Variants in SLC10A7 observed in about 807,000 individuals in gnomAD.
SLC10A7 encodes the protein solute carrier family 10 member 7.
Under a neutral mutation model 43.2 loss-of-function variants are expected in SLC10A7, and 29 were observed. That is an observed-to-expected ratio of 0.67 (90% CI 0.50 to 0.92). The LOEUF is 0.92. SLC10A7 is among the 40% of genes least tolerant of loss of function. The probability of loss-of-function intolerance (pLI) is 0.00; values close to 1 mark genes in which losing one functional copy is unlikely to be tolerated. For missense variants in SLC10A7, 295 were observed against 403.2 expected (o/e 0.73, Z 2.30); for synonymous variants, 152 against 144.8 (o/e 1.05, Z -0.35).
At chr4:146,495,873 G>T (rs1392136917) in intron 4 of SLC10A7, among the ~76,000 whole-genome samples, 2 of 151,482 alleles carry the variant, frequency 1.3e-5, no homozygotes, top group Non-Finnish European at 2.9e-5. Flanking sequence ...TCTTTAAAAT[G>T]TATTTGGAAT....
At position 146,287,105 on chromosome 4, in the gene SLC10A7, A is replaced by AGTCTAGAGTGGTGAGAAGGACCGT. The variant is rs1560764794; in HGVS notation, c.774-3841_774-3840insACGGTCCTTCTCACCACTCTAGAC. Among the ~76,000 whole-genome samples the AGTCTAGAGTGGTGAGAAGGACCGT allele has an allele frequency of 1.6e-3, 108 of 66,454 alleles. 1 individual carries two copies. Among genetic ancestry groups the AGTCTAGAGTGGTGAGAAGGACCGT allele is most frequent in the African/African-American group, 5.9e-3 (100 of 17,052 alleles). The allele number at this position is 66,454 out of a possible 152,430, so 43.6% of individuals were successfully genotyped here. A position where few individuals can be genotyped will look rare whatever the true frequency, so the allele number is the denominator to read the frequency against. On this transcript the variant is annotated intron_variant, in intron 9 of 11. Transcript: ENST00000335472. Reference sequence around the variant, plus strand: ...GTGTTTCGAGTGGTGAGAAGGACCGAGTCTGGAGTGGTGAGAAGGACCGTG... The same window carrying AGTCTAGAGTGGTGAGAAGGACCGT: ...GTGTTTCGAGTGGTGAGAAGGACCGAGTCTAGAGTGGTGAGAAGGACCGTGTCTGGAGTGGTGAGAAGGACCGTG...
At chr4:146,484,767 A>G (rs927561347) in intron 4 of SLC10A7, among the ~76,000 whole-genome samples, 4 of 152,236 alleles carry the variant, frequency 2.6e-5, no homozygotes, top group African/African-American at 9.6e-5. Context: ...AGCATAAATC[A>G]GATAAAAGAG....
In SLC10A7 at chr4:146,308,852, C is replaced by T. The variant is rs573623160; in HGVS notation, c.472-2843G>A. Among the ~76,000 whole-genome samples the T allele has an allele frequency of 3.0e-3, 452 of 152,228 alleles. 2 individuals carry two copies. The highest frequency in any genetic ancestry group is 6.8e-3 in the Middle Eastern group (2 of 294). ...GGTTTCTTTGTTTTACTATCCTATGCTGAGAAGAAATCATTCATGAAAATT... is the reference window on the plus strand; with the variant it reads ...GGTTTCTTTGTTTTACTATCCTATGTTGAGAAGAAATCATTCATGAAAATT... On this transcript the variant is annotated intron_variant, in intron 6 of 11. Coordinates refer to ENST00000335472, the MANE Select transcript of SLC10A7 (RefSeq NM_001029998.6).
intron 4 of SLC10A7, among the ~76,000 whole-genome samples, chr4:146,457,815 C>T (rs1373514940): frequency 6.6e-6 from 1 of 151,840 alleles, no homozygotes; most frequent in African/African-American, 2.4e-5. Context: ...TTTCTATTAC[C>T]TATCAAAGAC....
At chr4:146,282,234 T>C (rs1729599381) in intron 10 of SLC10A7, among the ~76,000 whole-genome samples, 1 of 152,180 alleles carries the variant, frequency 6.6e-6, no homozygotes, top group African/African-American at 2.4e-5. Flanking sequence ...CAACTGCTCC[T>C]AAGGGTTTGT....
intron 7 of SLC10A7, among the ~76,000 whole-genome samples, chr4:146,299,541 G>A (rs1191068807): frequency 6.6e-6 from 1 of 152,148 alleles, no homozygotes; most frequent in African/African-American, 2.4e-5. Context: ...TGTGAAAGGC[G>A]GCAAGGTGTT....
At chr4:146,384,005 T>G (rs1737817167) in intron 5 of SLC10A7, among the ~76,000 whole-genome samples, 3 of 152,112 alleles carry the variant, frequency 2.0e-5, no homozygotes. Context: ...TTTCAAACAC[T>G]CTGGGTCTCA....
chr4:146,403,518 T>C (rs956085863), intron 5 of SLC10A7, among the ~76,000 whole-genome samples: 5 of 152,138 alleles, frequency 3.3e-5, no homozygotes, highest in Non-Finnish European at 7.3e-5. Context: ...GTTTATTGAG[T>C]GGTCTCAGTT....
chr4:146,295,768 C>T (rs1328958668), intron 7 of SLC10A7, among the ~76,000 whole-genome samples: 1 of 151,896 alleles, frequency 6.6e-6, no homozygotes, highest in African/African-American at 2.4e-5. Context: ...TAATTCAACT[C>T]CTTTAGGAAA....
chr4:146,517,190 T>G lies in SLC10A7; in HGVS notation c.101-70A>C, dbSNP rs543002294. On this transcript the variant is annotated intron_variant, in intron 1 of 11. Transcript: ENST00000335472. ...GATAACTTGGCACAAAAGAAGAATC[T>G]ATTTGTTCACACCTGTAATCCCAGC... 77 of 1,316,056 alleles carry G rather than the reference T, an allele frequency of 5.9e-5. No homozygotes were observed. In the South Asian group the frequency reaches 9.9e-4, roughly 17 times the overall value. 81.5% of individuals were successfully genotyped at this position (1,316,056 alleles called of 1,614,324 possible).
intron 4 of SLC10A7, among the ~76,000 whole-genome samples, chr4:146,495,687 G>A (rs994992561): frequency 1.3e-5 from 2 of 151,612 alleles, no homozygotes; most frequent in Non-Finnish European, 2.9e-5. Flanking sequence ...TTCACCACAT[G>A]TGATAATTTT....
intron 5 of SLC10A7, among the ~76,000 whole-genome samples, chr4:146,387,495 A>T (rs1372224985): frequency 6.6e-6 from 1 of 152,210 alleles, no homozygotes; most frequent in Non-Finnish European, 1.5e-5. Context: ...CATCAGGGAA[A>T]AGTTGAAAGC....
intron 10 of SLC10A7, among the ~76,000 whole-genome samples, chr4:146,274,297 G>A (rs527614216): frequency 4.0e-5 from 6 of 148,814 alleles, no homozygotes; most frequent in Non-Finnish European, 5.9e-5. Context: ...TCTGCCTCCC[G>A]GGTTCAAGTG....
chr4:146,449,327 C>G (rs1334195588), intron 4 of SLC10A7, among the ~76,000 whole-genome samples: 1 of 152,170 alleles, frequency 6.6e-6, no homozygotes, highest in Non-Finnish European at 1.5e-5. Context: ...TATCTAAATT[C>G]TGTGATGAGG....
intron 4 of SLC10A7, among the ~76,000 whole-genome samples, chr4:146,475,483 T>A (rs1733939282): frequency 6.6e-6 from 1 of 152,214 alleles, no homozygotes; most frequent in Non-Finnish European, 1.5e-5. Flanking sequence ...CATGAACTGA[T>A]CATTTTTGTT....
chr4:146,301,858 A>T (rs1731182551), intron 7 of SLC10A7, among the ~76,000 whole-genome samples: 1 of 152,118 alleles, frequency 6.6e-6, no homozygotes, highest in Admixed American at 6.5e-5. Flanking sequence ...TTTCTCCTCG[A>T]AAAGAGTCAT....
At chr4:146,422,504 C>A (rs181940394) in intron 5 of SLC10A7, among the ~76,000 whole-genome samples, 1 of 151,948 alleles carries the variant, frequency 6.6e-6, no homozygotes, top group African/African-American at 2.4e-5. Context: ...TAACATTTAC[C>A]TAAAAAGAAC....
At chr4:146,489,136 A>G (rs1269369417) in intron 4 of SLC10A7, among the ~76,000 whole-genome samples, 1 of 152,216 alleles carries the variant, frequency 6.6e-6, no homozygotes, top group Admixed American at 6.5e-5. Flanking sequence ...GCTTCCTGAA[A>G]GGAGGCTTCC....
chr4:146,452,738 C>T (rs557206486), intron 4 of SLC10A7, among the ~76,000 whole-genome samples: 23 of 151,868 alleles, frequency 1.5e-4, no homozygotes, highest in Non-Finnish European at 2.4e-4. Flanking sequence ...AATCAAAATG[C>T]GGATTTATAC....
Sources: gnomAD v4.1 joint callset for allele counts (sites outside exome capture counted in the v4.1 genomes callset) on GRCh38, gnomAD v4.1.1 for gene constraint, MANE v1.5 for transcripts, NCBI Gene and HGNC (gene_info 2026-07-23, HGNC 2026-07-21) for gene names.